ASAH2: variants seen among roughly 807,000 people sequenced by gnomAD.
ASAH2 encodes neutral ceramidase.
ASAH2 carries 58 observed loss-of-function variants against 82.9 expected under a neutral mutation model. The ratio of observed to expected loss-of-function variants is 0.70; its 90% CI spans 0.57 to 0.87. ASAH2 has a LOEUF of 0.87. Among genes scored for constraint, ASAH2 ranks in the 40% least tolerant of loss-of-function variants. ASAH2 has a pLI of 0.00. For synonymous variants in ASAH2, 276 were observed against 289.7 expected, an observed-to-expected ratio of 0.95 and a Z score of 0.48; for missense variants, 779 against 834.0, an observed-to-expected ratio of 0.93 and a Z score of 0.81.
At chr10:50,223,538 C>T (rs1299153622) in intron 7 of ASAH2, among the ~76,000 whole-genome samples, 1 of 152,150 alleles carries the variant, frequency 6.6e-6, no homozygotes, top group Non-Finnish European at 1.5e-5. Context: ...AAATAGAATA[C>T]TGTGTATCCA....
At chr10:50,247,787 T>A (rs940107105) in intron 2 of ASAH2, among the ~76,000 whole-genome samples, 1 of 152,084 alleles carries the variant, frequency 6.6e-6, no homozygotes, top group Non-Finnish European at 1.5e-5. Context: ...CCACTGCCAA[T>A]CTTTGTGTAA....
chr10:50,211,426 A>G (rs1845451307), intron 10 of ASAH2, among the ~76,000 whole-genome samples: 1 of 152,184 alleles, frequency 6.6e-6, no homozygotes, highest in African/African-American at 2.4e-5. Flanking sequence ...CACTTGAAAG[A>G]TCACCAAGAA....
intron 4 of ASAH2, among the ~76,000 whole-genome samples, chr10:50,238,795 GAA>G (rs1846222129): frequency 6.6e-6 from 1 of 152,090 alleles, no homozygotes; most frequent in Non-Finnish European, 1.5e-5. Flanking sequence ...AAGCCCTTAA[GAA>G]GACAGAAATT....
intron 4 of ASAH2, among the ~76,000 whole-genome samples, chr10:50,240,303 A>T (rs1241212648): frequency 6.6e-6 from 1 of 152,184 alleles, no homozygotes; most frequent in Non-Finnish European, 1.5e-5. Flanking sequence ...GCCTTTTAAC[A>T]TCTTGTAAAA....
intron 8 of ASAH2, among the ~76,000 whole-genome samples, chr10:50,217,045 C>T (rs1427704992): frequency 3.3e-5 from 5 of 152,090 alleles, no homozygotes; most frequent in African/African-American, 1.2e-4. Context: ...AGAGACTGAT[C>T]CCTCCTGAAT....
chr10:50,228,991 T>C (rs1366571375), intron 7 of ASAH2, among the ~76,000 whole-genome samples: 1 of 152,180 alleles, frequency 6.6e-6, no homozygotes, highest in Non-Finnish European at 1.5e-5. Context: ...GTCGGCCTCC[T>C]CACCTGTCTC....
At chr10:50,235,582 C>G (rs1339265760) in intron 5 of ASAH2, among the ~76,000 whole-genome samples, 2 of 152,034 alleles carry the variant, frequency 1.3e-5, no homozygotes, top group Non-Finnish European at 2.9e-5. Context: ...TGACTTTGTG[C>G]AAAGAACAGG....
intron 7 of ASAH2, among the ~76,000 whole-genome samples, chr10:50,232,305 T>C (rs1846039929): frequency 1.3e-5 from 2 of 152,268 alleles, no homozygotes; most frequent in East Asian, 1.9e-4. Flanking sequence ...ACTTACTTTA[T>C]CCTATGGTAT....
intron 16 of ASAH2, among the ~76,000 whole-genome samples, chr10:50,201,854 A>T (rs1023213018): frequency 1.2e-4 from 18 of 152,174 alleles, no homozygotes; most frequent in Admixed American, 5.9e-4. Context: ...GGATCTAATA[A>T]CTATTGTGAT....
intron 7 of ASAH2, among the ~76,000 whole-genome samples, chr10:50,230,817 G>A (rs1311781150): frequency 1.3e-5 from 2 of 152,022 alleles, no homozygotes; most frequent in Admixed American, 6.6e-5. Flanking sequence ...CGAGGTGGAG[G>A]ATCACTTGAG....
intron 5 of ASAH2, among the ~76,000 whole-genome samples, chr10:50,235,386 C>G (rs1846131576): frequency 6.6e-6 from 1 of 151,940 alleles, no homozygotes; most frequent in Non-Finnish European, 1.5e-5. Flanking sequence ...CTACTGAAAC[C>G]AGAAACAGGA....
chr10:50,230,900 G>A (rs1218191174), intron 7 of ASAH2, among the ~76,000 whole-genome samples: 1 of 151,900 alleles, frequency 6.6e-6, no homozygotes, highest in Non-Finnish European at 1.5e-5. Flanking sequence ...AAATAGCCAG[G>A]TGTGGTGGTG....
intron 2 of ASAH2, among the ~76,000 whole-genome samples, chr10:50,247,586 T>G (rs1215398085): frequency 6.6e-6 from 1 of 152,112 alleles, no homozygotes; most frequent in Non-Finnish European, 1.5e-5. Flanking sequence ...CCCTGGGACA[T>G]AGTAGAGAAT....
intron 18 of ASAH2, among the ~76,000 whole-genome samples, chr10:50,195,655 A>G (rs1844956216): frequency 6.6e-6 from 1 of 151,892 alleles, no homozygotes. Context: ...GTGTTCATCA[A>G]TGGATGAATG....
chr10:50,207,654 A>T (rs1589328516), intron 12 of ASAH2, among the ~76,000 whole-genome samples: 2 of 151,666 alleles, frequency 1.3e-5, no homozygotes, highest in African/African-American at 4.8e-5. Flanking sequence ...AACTATAAAA[A>T]GTAAAGAGAT....
intron 6 of ASAH2, among the ~76,000 whole-genome samples, chr10:50,233,755 A>G (rs1202511081): frequency 1.3e-5 from 2 of 152,104 alleles, no homozygotes; most frequent in Admixed American, 1.3e-4. Context: ...TTAAATGTCA[A>G]GTGGTCAAGT....
At position 50,243,910 on chromosome 10, in the gene ASAH2, T is replaced by C. The variant is rs150333158; in HGVS notation, c.361-559A>G. The stretch of plus-strand genomic sequence containing the variant: ...GGGTACCTCGCCCTGGCTTTTACCA[T>C]AGTATCATTCCTGTCGTGGGTGCAA... On this transcript the variant is annotated intron_variant, in intron 3 of 20. Transcript: ENST00000682911. 2.8e-3 allele frequency among the ~76,000 whole-genome samples: 420 copies of C among 152,306 alleles called. 1 individual carries two copies. The highest frequency in any genetic ancestry group is 8.4e-3 in the African/African-American group (348 of 41,556).
intron 18 of ASAH2, among the ~76,000 whole-genome samples, chr10:50,195,896 G>A (rs1463744935): frequency 6.6e-6 from 1 of 151,766 alleles, no homozygotes; most frequent in African/African-American, 2.4e-5. Flanking sequence ...GTTACCAGGG[G>A]CTAGGAGGTT....
chr10:50,227,831 C>A (rs962321511), intron 7 of ASAH2, among the ~76,000 whole-genome samples: 1 of 152,096 alleles, frequency 6.6e-6, no homozygotes, highest in African/African-American at 2.4e-5. Context: ...CATCTAAAAG[C>A]CCTTTTAGGC....
Sources: gnomAD v4.1 joint callset for allele counts (sites outside exome capture counted in the v4.1 genomes callset) on GRCh38, gnomAD v4.1.1 for gene constraint, MANE v1.5 for transcripts, NCBI Gene and HGNC (gene_info 2026-07-23, HGNC 2026-07-21) for gene names.